Variants in NKAIN3 observed in about 807,000 individuals in gnomAD.
The protein encoded by NKAIN3 is sodium/potassium transporting ATPase interacting 3.
NKAIN3 carries 25 observed loss-of-function variants against 30.2 expected under a neutral mutation model. The observed-to-expected ratio is 0.83, with a 90% confidence interval of 0.60 to 1.16. The LOEUF (loss-of-function observed/expected upper bound fraction) is 1.16, where lower values mean the gene tolerates loss of function less well. NKAIN3 is among the 50% of genes most tolerant of loss of function. The pLI, the probability that NKAIN3 is intolerant of heterozygous loss-of-function variation, is 0.00. For missense variants in NKAIN3, 225 were observed against 254.1 expected, an observed-to-expected ratio of 0.89 and a Z score of 0.78; for synonymous variants, 91 against 89.6, an observed-to-expected ratio of 1.02 and a Z score of -0.09.
At chr8:62,748,759 G>A (rs1185708371) in intron 4 of NKAIN3, among the ~76,000 whole-genome samples, 1 of 152,052 alleles carries the variant, frequency 6.6e-6, no homozygotes, top group Non-Finnish European at 1.5e-5. Context: ...TCAAAGAAAG[G>A]GATTGCACCT....
At chr8:62,582,274 T>C (rs1347285504) in intron 2 of NKAIN3, among the ~76,000 whole-genome samples, 2 of 152,136 alleles carry the variant, frequency 1.3e-5, no homozygotes, top group East Asian at 1.9e-4. Flanking sequence ...ACCCTGTGTT[T>C]GGCCTTGTGT....
chr8:62,254,089 C>A (rs745311849), intron 1 of NKAIN3, among the ~76,000 whole-genome samples: 2 of 151,488 alleles, frequency 1.3e-5, no homozygotes, highest in Non-Finnish European at 2.9e-5. Context: ...TGAAACCATT[C>A]TGCGTTGGCA....
intron 4 of NKAIN3, among the ~76,000 whole-genome samples, chr8:62,912,584 A>G: frequency 6.6e-6 from 1 of 152,030 alleles, no homozygotes; most frequent in East Asian, 1.9e-4. Flanking sequence ...TTTTCTATTA[A>G]TTTTTTTTAA....
chr8:62,988,132 C>T (rs1332404416), downstream of NKAIN3, among the ~76,000 whole-genome samples: 1 of 152,212 alleles, frequency 6.6e-6, no homozygotes, highest in East Asian at 1.9e-4. Flanking sequence ...GGTGGGCTCC[C>T]ACAGCCTTGG....
intron 1 of NKAIN3, among the ~76,000 whole-genome samples, chr8:62,358,676 G>A (rs1024721467): frequency 2.6e-5 from 4 of 152,172 alleles, no homozygotes; most frequent in African/African-American, 9.7e-5. Context: ...TTCAGCATTT[G>A]TGTGGCTGAA....
In NKAIN3 at chr8:62,966,844, TA is replaced by T. The variant is rs1255865669; in HGVS notation, c.*1441del. The stretch of plus-strand genomic sequence containing the variant: ...CTAAGAAGTCCGTCTATTAACCACC[TA>T]AAACTGTTACAAATATTTGTATGTG... On this transcript the variant is annotated 3_prime_UTR_variant, in exon 7 of 7. Transcript: ENST00000623646. Among the ~76,000 whole-genome samples, 2 of 152,224 alleles carry T rather than the reference TA, an allele frequency of 1.3e-5. No individual in the cohort carries two copies. The highest frequency in any genetic ancestry group is 4.8e-5 in the African/African-American group (2 of 41,464).
At chr8:62,491,183 A>C (rs141251786) in intron 1 of NKAIN3, among the ~76,000 whole-genome samples, 16 of 152,366 alleles carry the variant, frequency 1.1e-4, no homozygotes, top group Non-Finnish European at 2.2e-4. Context: ...AATATGTATT[A>C]TAAATCTCAG....
chr8:62,620,268 G>T (rs1445222178), intron 3 of NKAIN3, among the ~76,000 whole-genome samples: 1 of 152,046 alleles, frequency 6.6e-6, no homozygotes, highest in East Asian at 1.9e-4. Context: ...TATAGGGTGG[G>T]CACCTCTCAA....
intron 1 of NKAIN3, among the ~76,000 whole-genome samples, chr8:62,381,534 A>ATG (rs1204388042): frequency 6.6e-6 from 1 of 152,122 alleles, no homozygotes; most frequent in African/African-American, 2.4e-5. Context: ...ACATATATAT[A>ATG]TTAGAACAAG....
Position 62,966,115 on chromosome 8 carries a change from T to A in NKAIN3, c.*708T>A. ...TTCCCCTTTGGAGGGAATATGGGTGTCTCTGAGGTCCATATTTTCTACTCA... is the reference window on the plus strand; with the variant it reads ...TTCCCCTTTGGAGGGAATATGGGTGACTCTGAGGTCCATATTTTCTACTCA... On this transcript the variant is annotated 3_prime_UTR_variant, in exon 7 of 7. Coordinates refer to ENST00000623646, the MANE Select transcript of NKAIN3 (RefSeq NM_001304533.3). 2 of 985,006 alleles carry A rather than the reference T, an allele frequency of 2.0e-6. No individual in the cohort carries two copies. The highest frequency in any genetic ancestry group is 2.4e-6 in the Non-Finnish European group (2 of 829,604). The allele number at this position is 985,006 out of a possible 1,614,324, so 61.0% of individuals were successfully genotyped here. A position where few individuals can be genotyped will look rare whatever the true frequency, so the allele number is the denominator to read the frequency against.
chr8:62,854,863 C>T (rs1820013755), intron 4 of NKAIN3, among the ~76,000 whole-genome samples: 2 of 152,012 alleles, frequency 1.3e-5, no homozygotes, highest in Non-Finnish European at 2.9e-5. Context: ...TTTAGTGCTT[C>T]CTTCATACGC....
intron 4 of NKAIN3, among the ~76,000 whole-genome samples, chr8:62,911,489 G>T (rs767396221): frequency 3.9e-5 from 6 of 152,022 alleles, no homozygotes; most frequent in African/African-American, 1.2e-4. Context: ...AGAACTCCTC[G>T]TTCGGAAATT....
chr8:62,856,370 A>C, intron 4 of NKAIN3: 2 of 842,820 alleles, frequency 2.4e-6, no homozygotes, highest in Non-Finnish European at 4.2e-6. Context: ...CCTTGGAGTG[A>C]ACCTTCTAGT....
chr8:62,906,320 C>T lies in NKAIN3; in HGVS notation c.472-12133C>T, dbSNP rs762242613. Reference sequence around the variant, plus strand: ...GTTACTTAATACCTTAACTGAAATACGTTACATATAGAAGCTTTCTATTCA... The same window carrying T: ...GTTACTTAATACCTTAACTGAAATATGTTACATATAGAAGCTTTCTATTCA... On this transcript the variant is annotated intron_variant, in intron 4 of 6. Transcript: ENST00000623646. Among the ~76,000 whole-genome samples, 7 of 150,952 alleles carry T rather than the reference C, an allele frequency of 4.6e-5. No individual in the cohort carries two copies. The South Asian group carries it at 6.3e-4, about 14-fold the overall frequency.
chr8:62,665,006 C>T (rs936525895), intron 3 of NKAIN3, among the ~76,000 whole-genome samples: 2 of 152,142 alleles, frequency 1.3e-5, no homozygotes, highest in Non-Finnish European at 2.9e-5. Flanking sequence ...TCTACTTGAA[C>T]TTATTCTACG....
intron 4 of NKAIN3, among the ~76,000 whole-genome samples, chr8:62,818,850 G>A (rs536465484): frequency 6.6e-6 from 1 of 151,936 alleles, no homozygotes; most frequent in Non-Finnish European, 1.5e-5. Flanking sequence ...AGAATGTGAG[G>A]AATTTTATGG....
At chr8:62,439,699 C>T (rs575352789) in intron 1 of NKAIN3, among the ~76,000 whole-genome samples, 106 of 152,182 alleles carry the variant, frequency 7.0e-4, no homozygotes, top group Non-Finnish European at 1.4e-3. Context: ...CATTTACAGA[C>T]AGATGTTATC....
intron 1 of NKAIN3, among the ~76,000 whole-genome samples, chr8:62,408,296 A>G (rs1000083205): frequency 1.3e-5 from 2 of 152,148 alleles, no homozygotes; most frequent in Admixed American, 6.5e-5. Context: ...AAAGGCCGTG[A>G]AAATTTATAC....
At chr8:62,873,313 T>C (rs1241355037) in intron 4 of NKAIN3, among the ~76,000 whole-genome samples, 5 of 151,812 alleles carry the variant, frequency 3.3e-5, no homozygotes, top group African/African-American at 1.2e-4. Flanking sequence ...ATGCACCCAA[T>C]AAAGAAGCAT....
Sources: gnomAD v4.1 joint callset for allele counts (sites outside exome capture counted in the v4.1 genomes callset) on GRCh38, gnomAD v4.1.1 for gene constraint, MANE v1.5 for transcripts, NCBI Gene and HGNC (gene_info 2026-07-23, HGNC 2026-07-21) for gene names.